DOCK3: variants seen among roughly 807,000 people sequenced by gnomAD.
DOCK3 encodes dedicator of cytokinesis 3.
In DOCK3, 60 loss-of-function variants were observed where a neutral mutation model predicts 265.6. That is an observed-to-expected ratio of 0.23 (90% CI 0.18 to 0.28). The LOEUF is 0.28. DOCK3 is among the 10% of genes least tolerant of loss of function. DOCK3 has a pLI of 1.00. For missense variants in DOCK3, 1,981 were observed against 2,594.3 expected (o/e 0.76, Z 5.14); for synonymous variants, 881 against 938.0 (o/e 0.94, Z 1.11).
intron 1 of DOCK3, among the ~76,000 whole-genome samples, chr3:50,730,550 A>G (rs2038134402): frequency 6.6e-6 from 1 of 151,644 alleles, no homozygotes; most frequent in Non-Finnish European, 1.5e-5. Context: ...AAAATTGTCC[A>G]GGTGTGGTGG....
At chr3:51,017,017 T>C (rs748345634) in intron 5 of DOCK3, among the ~76,000 whole-genome samples, 11 of 143,396 alleles carry the variant, frequency 7.7e-5, no homozygotes, top group Non-Finnish European at 1.2e-4. Flanking sequence ...GTGTCCTTTC[T>C]TTGCTGGGAG....
intron 3 of DOCK3, among the ~76,000 whole-genome samples, chr3:50,885,183 A>G (rs114565135): frequency 3.4e-3 from 525 of 152,260 alleles, no homozygotes; most frequent in Non-Finnish European, 5.6e-3. Flanking sequence ...ACTTAGCAAT[A>G]TGCAGTTAAT....
rs375221528 is a variant in DOCK3 at position 51,356,111 on chromosome 3, G to T, written c.4272G>T (p.Thr1424=). 6.2e-7 allele frequency: 1 copy of T among 1,613,950 alleles called. No homozygotes were observed. Among genetic ancestry groups the T allele is most frequent in the Non-Finnish European group, 8.5e-7 (1 of 1,179,876 alleles). Residue 1424 remains threonine, a synonymous_variant, in exon 42 of 53, where the codon ACG becomes ACT. Transcript: ENST00000266037. ...CAGACTTGCAGATCTATGCAGTGAC[G>T]CCCATTCCAGATTATGTGGATGTTC... ...DAQYLQIYAV[T]PIPDYVDVLQ...
chr3:50,959,560 A>G (rs76353293), intron 5 of DOCK3, among the ~76,000 whole-genome samples: 4,594 of 121,118 alleles, frequency 0.038, 194 homozygotes, highest in African/African-American at 0.11. Context: ...GTGTGTGTGT[A>G]TATATATATA....
intron 2 of DOCK3, among the ~76,000 whole-genome samples, chr3:50,841,115 A>G (rs2045801541): frequency 6.6e-6 from 1 of 152,148 alleles, no homozygotes; most frequent in Non-Finnish European, 1.5e-5. Flanking sequence ...TGGCAGTAAA[A>G]TTTTCTTTTT....
chr3:51,223,270 T>C (rs2090182848), intron 14 of DOCK3, among the ~76,000 whole-genome samples: 4 of 152,160 alleles, frequency 2.6e-5, no homozygotes, highest in African/African-American at 9.6e-5. Flanking sequence ...TTTTATATAA[T>C]ATATAACTAG....
At chr3:51,313,013 A>T in intron 31 of DOCK3, 111 bp downstream of exon 31, 1 of 968,292 alleles carries the variant, frequency 1.0e-6, no homozygotes, top group East Asian at 2.6e-5. Flanking sequence ...GGCCCAAGAG[A>T]TCCTTACATA....
At chr3:51,360,431 A>C in intron 46 of DOCK3, 80 bp from the exon 47 acceptor site, 1 of 1,502,774 alleles carries the variant, frequency 6.7e-7, no homozygotes, top group Non-Finnish European at 9.0e-7. Context: ...ATTTTTGATC[A>C]CCAGTCAGTT....
Position 51,057,211 on chromosome 3 carries a change from C to T in DOCK3, c.316-7237C>T, listed in dbSNP as rs184230648. ...CATATTCTTTTTTTCTGCAGAGCTC[C>T]AGGGATTGTTTCACAACAGTGAGGC... On this transcript the variant is annotated intron_variant, in intron 5 of 52. Coordinates refer to ENST00000266037, the MANE Select transcript of DOCK3 (RefSeq NM_004947.5). Among the ~76,000 whole-genome samples, 495 of 152,228 alleles carry T rather than the reference C, an allele frequency of 3.3e-3. 7 individuals carry two copies. The highest frequency in any genetic ancestry group is 0.011 in the African/African-American group (449 of 41,522).
intron 5 of DOCK3, among the ~76,000 whole-genome samples, chr3:51,027,016 T>C (rs2079851963): frequency 6.6e-6 from 1 of 152,104 alleles, no homozygotes; most frequent in South Asian, 2.1e-4. Context: ...ATTTAGTTAT[T>C]ATATTTCTAG....
intron 12 of DOCK3, among the ~76,000 whole-genome samples, chr3:51,198,453 T>G (rs1385637622): frequency 6.6e-6 from 1 of 151,974 alleles, no homozygotes; most frequent in Admixed American, 6.6e-5. Flanking sequence ...GATCTCCCAC[T>G]AACTTCAAGT....
intron 5 of DOCK3, among the ~76,000 whole-genome samples, chr3:51,051,127 T>C (rs1220013883): frequency 6.6e-6 from 1 of 152,152 alleles, no homozygotes. Context: ...AAAGGTTGGC[T>C]TAGTCAAGAG....
chr3:51,064,882 G>A (rs190814099), intron 6 of DOCK3, among the ~76,000 whole-genome samples: 2 of 152,148 alleles, frequency 1.3e-5, no homozygotes, highest in African/African-American at 4.8e-5. Flanking sequence ...TTTGACCTCA[G>A]ATTTCTTGAT....
At chr3:50,773,977 G>T (rs969386965) in intron 1 of DOCK3, among the ~76,000 whole-genome samples, 1 of 151,986 alleles carries the variant, frequency 6.6e-6, no homozygotes, top group African/African-American at 2.4e-5. Context: ...CTTCCATTGA[G>T]GATTTAAAAC....
intron 1 of DOCK3, among the ~76,000 whole-genome samples, chr3:50,729,031 C>CT (rs2038018273): frequency 1.5e-5 from 2 of 133,930 alleles, no homozygotes; most frequent in Admixed American, 7.3e-5. Flanking sequence ...GCCTGTTTTT[C>CT]TTTTTTTGGC....
At chr3:51,065,848 C>T (rs1387907541) in intron 6 of DOCK3, among the ~76,000 whole-genome samples, 1 of 152,116 alleles carries the variant, frequency 6.6e-6, no homozygotes, top group Non-Finnish European at 1.5e-5. Context: ...TCAGGTATCA[C>T]CAGATGTTTG....
chr3:50,927,379 A>G (rs1229901573), intron 4 of DOCK3, among the ~76,000 whole-genome samples: 1 of 152,206 alleles, frequency 6.6e-6, no homozygotes, highest in African/African-American at 2.4e-5. Context: ...TATAGCTAAC[A>G]ATAATTTATT....
At chr3:51,351,599 A>C (rs957241095) in intron 40 of DOCK3, among the ~76,000 whole-genome samples, 4 of 151,372 alleles carry the variant, frequency 2.6e-5, no homozygotes, top group Admixed American at 2.6e-4. Flanking sequence ...GAAGGCTCTA[A>C]CTCTATTCCA....
intron 3 of DOCK3, among the ~76,000 whole-genome samples, chr3:50,874,545 CA>C: frequency 6.6e-6 from 1 of 151,492 alleles, no homozygotes; most frequent in South Asian, 2.1e-4. Context: ...AAAGTATAGG[CA>C]TTTTAACAAT....
Sources: allele counts gnomAD v4.1 joint callset (sites outside exome capture counted in the v4.1 genomes callset), GRCh38; gene constraint gnomAD v4.1.1; transcripts MANE v1.5; gene names NCBI Gene and HGNC (gene_info 2026-07-23, HGNC 2026-07-21).